Variants in HDAC8 observed in about 807,000 individuals in gnomAD.
The protein encoded by HDAC8 is histone deacetylase 8.
HDAC8 carries 1 observed loss-of-function variant against 32.2 expected under a neutral mutation model. The observed-to-expected ratio is 0.03, with a 90% confidence interval of 0.01 to 0.15. The LOEUF is 0.15. Among genes scored for constraint, HDAC8 ranks in the 10% least tolerant of loss-of-function variants. HDAC8 has a pLI of 1.00. For missense variants in HDAC8, 117 were observed against 300.0 expected, an observed-to-expected ratio of 0.39 and a Z score of 4.51; for synonymous variants, 108 against 113.9, an observed-to-expected ratio of 0.95 and a Z score of 0.33.
intron 10 of HDAC8, among the ~76,000 whole-genome samples, chrX:72,338,916 GA>G (rs2043810816): frequency 9.3e-6 from 1 of 107,450 alleles, no homozygotes; most frequent in Admixed American, 1.0e-4. Context: ...TAAAAAATAA[GA>G]AAAAAACTTT....
intron 4 of HDAC8, among the ~76,000 whole-genome samples, chrX:72,553,573 C>T (rs1236570640): frequency 9.0e-6 from 1 of 111,371 alleles, no homozygotes; most frequent in Admixed American, 9.6e-5. Context: ...AAAGATCTTC[C>T]TTTGTTTGGC....
At chrX:72,365,307 G>C (rs1036256267) in intron 9 of HDAC8, among the ~76,000 whole-genome samples, 3 of 111,941 alleles carry the variant, frequency 2.7e-5, no homozygotes, top group Non-Finnish European at 5.6e-5. Context: ...GTTATCTGCT[G>C]GGGCAGGATT....
intron 9 of HDAC8, among the ~76,000 whole-genome samples, chrX:72,388,594 T>TCACACA (rs1555962586): frequency 1.6e-5 from 1 of 63,847 alleles, no homozygotes; most frequent in African/African-American, 1.0e-4. Context: ...GCCACAGTGA[T>TCACACA]TACACACACA....
intron 4 of HDAC8, among the ~76,000 whole-genome samples, chrX:72,498,499 C>T (rs2049103754): frequency 8.9e-6 from 1 of 111,761 alleles, no homozygotes; most frequent in Admixed American, 9.5e-5. Flanking sequence ...AAAATGTTAA[C>T]TTGGTCTCCA....
intron 4 of HDAC8, among the ~76,000 whole-genome samples, chrX:72,515,286 G>A (rs1181523430): frequency 9.0e-6 from 1 of 110,999 alleles, no homozygotes; most frequent in African/African-American, 3.3e-5. Flanking sequence ...GTGAAATCAC[G>A]TGGTACTGAT....
intron 9 of HDAC8, among the ~76,000 whole-genome samples, chrX:72,368,025 C>T (rs2044750240): frequency 8.8e-6 from 1 of 113,211 alleles, no homozygotes; most frequent in Non-Finnish European, 1.9e-5. Flanking sequence ...TGCAAAAAGG[C>T]CAAAAGGCTG....
intron 4 of HDAC8, among the ~76,000 whole-genome samples, chrX:72,557,797 C>T (rs782564646): frequency 6.3e-5 from 7 of 111,143 alleles, no homozygotes; most frequent in East Asian, 5.7e-4. Flanking sequence ...TGAAGCAAAA[C>T]GCTGGTTCTT....
intron 9 of HDAC8, among the ~76,000 whole-genome samples, chrX:72,426,190 G>A (rs1396663692): frequency 8.9e-6 from 1 of 112,381 alleles, no homozygotes; most frequent in Non-Finnish European, 1.9e-5. Context: ...CTGGAATGGC[G>A]AAGAGGAAGT....
At chrX:72,516,394 TG>T (rs1416024971) in intron 4 of HDAC8, among the ~76,000 whole-genome samples, 1 of 111,075 alleles carries the variant, frequency 9.0e-6, no homozygotes, top group Non-Finnish European at 1.9e-5. Context: ...TTAAATCTTC[TG>T]ATTCTTGTTT....
chrX:72,422,976 T>A (rs1555974203), intron 9 of HDAC8, among the ~76,000 whole-genome samples: 1 of 111,736 alleles, frequency 8.9e-6, no homozygotes, highest in East Asian at 2.8e-4. Context: ...CTTAATATAA[T>A]GTGGATGATG....
intron 4 of HDAC8, among the ~76,000 whole-genome samples, chrX:72,541,059 G>A (rs12390338): frequency 0.038 from 4,226 of 110,922 alleles, 199 homozygotes; most frequent in African/African-American, 0.13. Flanking sequence ...GCGGGAGGGT[G>A]AAACAAAATA....
At chrX:72,561,357 T>C (rs1436576191) in intron 4 of HDAC8, among the ~76,000 whole-genome samples, 1 of 112,219 alleles carries the variant, frequency 8.9e-6, no homozygotes, top group Non-Finnish European at 1.9e-5. Context: ...TGGAACAGAA[T>C]AGAGAAGCTG....
At position 72,495,767 on chromosome X, in the gene HDAC8, A is replaced by G. The variant is rs1603084893; in HGVS notation, c.438-499T>C. 2.7e-5 allele frequency among the ~76,000 whole-genome samples: 3 copies of G among 112,360 alleles called. 1 individual carries two copies. The Admixed American group carries it at 2.8e-4, about 11-fold the overall frequency. On this transcript the variant is annotated intron_variant, in intron 4 of 10. Coordinates refer to ENST00000373573, the MANE Select transcript of HDAC8 (RefSeq NM_018486.3). ...AGAATTTTTAAAAAGTTAGTTTTGCACTTGTTGCTCATAAAAGCTGAGTGT... is the reference window on the plus strand; with the variant it reads ...AGAATTTTTAAAAAGTTAGTTTTGCGCTTGTTGCTCATAAAAGCTGAGTGT...
intron 4 of HDAC8, chrX:72,567,656 C>A (rs370062205): frequency 1.9e-6 from 2 of 1,027,495 alleles, no homozygotes; most frequent in South Asian, 3.9e-5. Flanking sequence ...AGTCAGTTAG[C>A]CAAGTTAGAA....
intron 7 of HDAC8, among the ~76,000 whole-genome samples, chrX:72,464,998 T>A (rs936636312): frequency 2.7e-5 from 3 of 112,010 alleles, no homozygotes; most frequent in Non-Finnish European, 3.8e-5. Flanking sequence ...AAATTCAGAC[T>A]TCCTTGAAAT....
rs1233717899 is a variant in HDAC8, at chrX:72,329,876, G to A, written c.*178C>T. 2.5e-6 allele frequency: 2 copies of A among 801,884 alleles called. No homozygotes were observed. The highest frequency in any genetic ancestry group is 3.6e-6 in the Non-Finnish European group (2 of 557,375). 66.1% of individuals were successfully genotyped at this position (801,884 alleles called of 1,213,427 possible). On this transcript the variant is annotated 3_prime_UTR_variant, in exon 11 of 11. Transcript: ENST00000373573. Reference sequence around the variant, plus strand: ...TAGGTCCAGTTGAGGACTCTGGGGTGCCTGCCTCTTCACCCCAGGAAGCCA... The same window carrying A: ...TAGGTCCAGTTGAGGACTCTGGGGTACCTGCCTCTTCACCCCAGGAAGCCA...
chrX:72,523,963 G>T (rs113272781), intron 4 of HDAC8, among the ~76,000 whole-genome samples: 34 of 111,719 alleles, frequency 3.0e-4, no homozygotes, highest in Middle Eastern at 4.6e-3. Flanking sequence ...ATACACATCA[G>T]GGGTAGGCAA....
chrX:72,351,297 G>A (rs1398236520), intron 10 of HDAC8: 4 of 184,864 alleles, frequency 2.2e-5, no homozygotes, highest in Non-Finnish European at 3.0e-5. Context: ...ATGGAATCTC[G>A]CTGTGTTGCT....
intron 9 of HDAC8, among the ~76,000 whole-genome samples, chrX:72,416,280 T>C (rs1438336608): frequency 9.1e-6 from 1 of 109,448 alleles, no homozygotes; most frequent in Non-Finnish European, 1.9e-5. Context: ...GAGGAATGAG[T>C]CCATTTAATC....
Sources: gnomAD v4.1 joint callset for allele counts (sites outside exome capture counted in the v4.1 genomes callset) on GRCh38, gnomAD v4.1.1 for gene constraint, MANE v1.5 for transcripts, NCBI Gene and HGNC (gene_info 2026-07-23, HGNC 2026-07-21) for gene names.